The following NDST4 variants were observed in gnomAD, a reference collection of about 807,000 sequenced individuals.
NDST4 encodes the protein N-deacetylase and N-sulfotransferase 4, also known as N-heparan sulfate sulfotransferase 4.
NDST4 carries 63 observed loss-of-function variants against 100.8 expected under a neutral mutation model. The ratio of observed to expected loss-of-function variants is 0.62; its 90% CI spans 0.51 to 0.77. The LOEUF is 0.77. NDST4 is among the 30% of genes least tolerant of loss of function. The pLI is 0.00. For missense variants in NDST4, 943 were observed against 1,018.4 expected, an observed-to-expected ratio of 0.93 and a Z score of 1.01; for synonymous variants, 377 against 361.8, an observed-to-expected ratio of 1.04 and a Z score of -0.48.
chr4:114,833,661 C>T lies in NDST4; in HGVS notation c.2341G>A (p.Glu781Lys). The T allele has an allele frequency of 1.9e-6, 3 of 1,613,404 alleles. No homozygotes were observed. The highest frequency in any genetic ancestry group is 1.7e-5 in the Admixed American group (1 of 59,874). ...LRSDPATVMD[E>K]VQKFLGVTPR... ...GTAACTCCCAGAAACTTCTGGACTT[C>T]ATCCATCACAGTAGCTGGGTCAGAT... The change falls in exon 12 of 14, where the codon GAA becomes AAA. Residue 781 changes from glutamate (E) to lysine (K), a missense_variant. By Grantham distance (56) the Glu-to-Lys change is moderately conservative. Around this residue, in one of 2 missense-constraint regions of NDST4, gnomAD observed 526 missense variants for 634.1 expected, o/e 0.83. Coordinates refer to ENST00000264363, the MANE Select transcript of NDST4 (RefSeq NM_022569.3).
At position 115,077,030 on chromosome 4, in the gene NDST4, G is replaced by T; in HGVS notation, c.7C>A (p.Leu3Ile). The stretch of plus-strand genomic sequence containing the variant: ...AAACTTCTCCGAAGTTTCACAATAA[G>T]ATTCATTTTTTAGAATAATGTTTTG... MN[L>I]IVKLRRSFRT... is the part of the protein sequence containing the mutation. Residue 3 changes from leucine (L) to isoleucine (I), a missense_variant, in exon 2 of 14, where the codon CTT becomes ATT. By Grantham distance (5) the Leu-to-Ile change is conservative. Transcript: ENST00000264363. The T allele has an allele frequency of 6.3e-7, 1 of 1,592,078 alleles. No individual in the cohort carries two copies. The highest frequency in any genetic ancestry group is 8.5e-7 in the Non-Finnish European group (1 of 1,171,364).
chr4:114,829,010 T>A (rs561490320), intron 13 of NDST4, among the ~76,000 whole-genome samples: 1 of 152,318 alleles, frequency 6.6e-6, no homozygotes, highest in South Asian at 2.1e-4. Flanking sequence ...GAACATTACA[T>A]TTATTTCTTG....
intron 1 of NDST4, among the ~76,000 whole-genome samples, chr4:115,100,778 A>G (rs187869415): frequency 1.5e-3 from 217 of 148,890 alleles, no homozygotes; most frequent in African/African-American, 5.2e-3. Flanking sequence ...TCATTACAAT[A>G]CCTCGTTTCT....
At chr4:114,939,714 G>C (rs78700903) in intron 4 of NDST4, among the ~76,000 whole-genome samples, 1,923 of 151,126 alleles carry the variant, frequency 0.013, 50 homozygotes, top group African/African-American at 0.045. Context: ...CAATTGATTC[G>C]GTGAGTAGGA....
At chr4:114,962,882 G>A (rs985853705) in intron 4 of NDST4, among the ~76,000 whole-genome samples, 2 of 151,946 alleles carry the variant, frequency 1.3e-5, no homozygotes, top group African/African-American at 4.8e-5. Context: ...ACCACTTCAC[G>A]CCCACTAGAA....
chr4:114,997,356 A>C lies in NDST4; in HGVS notation c.979-20082T>G, dbSNP rs191016634. On this transcript the variant is annotated intron_variant, in intron 2 of 13. Coordinates refer to ENST00000264363, the MANE Select transcript of NDST4 (RefSeq NM_022569.3). ...CAAGGAGACAGAATGAGAAAAAAAC[A>C]AAAAGAGTTATGTTACCCAAGTTGC... Among the ~76,000 whole-genome samples the C allele has an allele frequency of 2.0e-3, 303 of 152,194 alleles. 1 individual carries two copies. Among genetic ancestry groups the C allele is most frequent in the African/African-American group, 7.1e-3 (293 of 41,558 alleles).
At chr4:114,897,205 G>C (rs1724734480) in intron 6 of NDST4, among the ~76,000 whole-genome samples, 1 of 152,048 alleles carries the variant, frequency 6.6e-6, no homozygotes, top group African/African-American at 2.4e-5. Flanking sequence ...TAGTTCTGGA[G>C]CCCTAAAAAT....
chr4:115,070,084 G>A (rs1433874771), intron 2 of NDST4, among the ~76,000 whole-genome samples: 1 of 151,880 alleles, frequency 6.6e-6, no homozygotes, highest in African/African-American at 2.4e-5. Flanking sequence ...TATACCCAAA[G>A]GAATATACAT....
intron 7 of NDST4, among the ~76,000 whole-genome samples, chr4:114,864,903 A>C (rs1013215367): frequency 2.0e-5 from 3 of 152,136 alleles, no homozygotes; most frequent in Non-Finnish European, 4.4e-5. Flanking sequence ...CTTTAGACAC[A>C]AAATGTTTCT....
At chr4:115,026,522 T>A (rs978040008) in intron 2 of NDST4, among the ~76,000 whole-genome samples, 2 of 152,094 alleles carry the variant, frequency 1.3e-5, no homozygotes, top group Non-Finnish European at 2.9e-5. Context: ...TGTGTATAAT[T>A]TAATTTTCAA....
intron 8 of NDST4, among the ~76,000 whole-genome samples, chr4:114,850,826 C>A (rs777614460): frequency 5.9e-5 from 9 of 152,058 alleles, no homozygotes; most frequent in Admixed American, 2.0e-4. Context: ...ATTGACAATA[C>A]CAGAATTTGA....
chr4:115,093,059 A>T (rs1729549855), intron 1 of NDST4, among the ~76,000 whole-genome samples: 5 of 152,230 alleles, frequency 3.3e-5, no homozygotes, highest in Admixed American at 3.3e-4. Flanking sequence ...TTAAATGTGT[A>T]TGCATCCAAT....
chr4:115,063,297 T>C (rs868498213), intron 2 of NDST4, among the ~76,000 whole-genome samples: 1 of 151,914 alleles, frequency 6.6e-6, no homozygotes, highest in Non-Finnish European at 1.5e-5. Flanking sequence ...CCAGCAATGC[T>C]CTAGAGCTAG....
chr4:114,952,199 G>A, intron 4 of NDST4, among the ~76,000 whole-genome samples: 1 of 152,126 alleles, frequency 6.6e-6, no homozygotes. Flanking sequence ...AAAGACAGAT[G>A]TAAATCTTGA....
chr4:114,881,199 T>G (rs1724359711), intron 6 of NDST4, among the ~76,000 whole-genome samples: 1 of 151,986 alleles, frequency 6.6e-6, no homozygotes, highest in Non-Finnish European at 1.5e-5. Flanking sequence ...GAGTGAAGAC[T>G]GGAGGTGGGG....
At chr4:114,898,737 C>T (rs1217749707) in intron 6 of NDST4, among the ~76,000 whole-genome samples, 4 of 142,468 alleles carry the variant, frequency 2.8e-5, no homozygotes, top group Non-Finnish European at 4.5e-5. Flanking sequence ...GTTTTCCTCA[C>T]GTAAATTTTG....
At chr4:114,838,977 G>C (rs1723367780) in intron 11 of NDST4, among the ~76,000 whole-genome samples, 1 of 152,030 alleles carries the variant, frequency 6.6e-6, no homozygotes, top group Non-Finnish European at 1.5e-5. Context: ...CAACATGCAG[G>C]TATCTGCATG....
At chr4:115,075,832 T>C (rs509127) in intron 2 of NDST4, among the ~76,000 whole-genome samples, 36,847 of 147,160 alleles carry the variant, frequency 0.25, 6,390 homozygotes, top group African/African-American at 0.47. Flanking sequence ...ACTAACTCTT[T>C]GGGATATTTT....
chr4:115,039,056 A>G (rs961091754), intron 2 of NDST4, among the ~76,000 whole-genome samples: 11 of 152,014 alleles, frequency 7.2e-5, no homozygotes, highest in Non-Finnish European at 1.0e-4. Context: ...AACAGCAATT[A>G]CTTTAGATAA....
Sources: gnomAD v4.1 joint callset for allele counts (sites outside exome capture counted in the v4.1 genomes callset) on GRCh38, gnomAD v4.1.1 for gene constraint, gnomAD v4.1.1 regional missense constraint, MANE v1.5 for transcripts, NCBI Gene and HGNC (gene_info 2026-07-23, HGNC 2026-07-21) for gene names.